Variants in CHODL observed in about 807,000 individuals in gnomAD.
CHODL encodes chondrolectin.
In CHODL, 29 loss-of-function variants were observed where a neutral mutation model predicts 34.5. The observed-to-expected ratio is 0.84, with a 90% CI of 0.63 to 1.15. The LOEUF (loss-of-function observed/expected upper bound fraction) is 1.15, where lower values mean the gene tolerates loss of function less well. CHODL is among the 50% of genes most tolerant of loss of function. The probability of loss-of-function intolerance (pLI) is 0.00; values close to 1 mark genes in which losing one functional copy is unlikely to be tolerated. For missense variants in CHODL, 332 were observed against 332.5 expected (o/e 1.00, Z 0.01); for synonymous variants, 125 against 116.1 (o/e 1.08, Z -0.49).
chr21:17,954,127 G>A (rs187468509), intron 1 of CHODL, among the ~76,000 whole-genome samples: 112 of 152,242 alleles, frequency 7.4e-4, no homozygotes, highest in Admixed American at 2.4e-3. Flanking sequence ...TTGTGTTGTG[G>A]CCATAATATC....
At chr21:18,245,943 T>G (rs1446927420) in intron 1 of CHODL, 6 of 1,535,290 alleles carry the variant, frequency 3.9e-6, no homozygotes, top group Non-Finnish European at 5.2e-6. Flanking sequence ...GAGGTATACT[T>G]GGTAATGACT....
intron 2 of CHODL, among the ~76,000 whole-genome samples, chr21:18,104,356 G>T (rs180904739): frequency 4.8e-4 from 73 of 152,162 alleles, no homozygotes; most frequent in South Asian, 8.3e-4. Flanking sequence ...CCTTCGCTTG[G>T]CATTTCTCCT....
At chr21:18,036,234 C>T (rs749075877) in intron 2 of CHODL, among the ~76,000 whole-genome samples, 2 of 151,922 alleles carry the variant, frequency 1.3e-5, no homozygotes, top group Non-Finnish European at 2.9e-5. Flanking sequence ...TTTTTTCAGT[C>T]TAGCTAGTAG....
At chr21:17,977,014 C>T (rs906246911) in intron 1 of CHODL, among the ~76,000 whole-genome samples, 1 of 152,198 alleles carries the variant, frequency 6.6e-6, no homozygotes, top group African/African-American at 2.4e-5. Context: ...AACAGTGTTT[C>T]TCTGAACCTG....
intron 2 of CHODL, among the ~76,000 whole-genome samples, chr21:18,195,082 T>TC (rs1484230384): frequency 2.0e-5 from 3 of 151,414 alleles, no homozygotes; most frequent in Non-Finnish European, 2.9e-5. Flanking sequence ...TGACATGGAG[T>TC]CTCTCTCTGT....
At chr21:18,001,213 A>G (rs1052057310) in intron 1 of CHODL, among the ~76,000 whole-genome samples, 4 of 152,252 alleles carry the variant, frequency 2.6e-5, no homozygotes, top group African/African-American at 9.6e-5. Context: ...AGAAAGCAAG[A>G]AAAAGAGCCA....
chr21:18,118,163 T>G (rs944089824), intron 2 of CHODL, among the ~76,000 whole-genome samples: 1 of 152,222 alleles, frequency 6.6e-6, no homozygotes, highest in Non-Finnish European at 1.5e-5. Context: ...ATTAACAAAC[T>G]GCATAAATTG....
At chr21:18,182,377 A>T (rs888536695) in intron 2 of CHODL, among the ~76,000 whole-genome samples, 1 of 152,220 alleles carries the variant, frequency 6.6e-6, no homozygotes, top group African/African-American at 2.4e-5. Context: ...CTCCACTGGC[A>T]TAAAAAGTCT....
At chr21:18,222,251 C>CAG (rs2073891494) in intron 2 of CHODL, among the ~76,000 whole-genome samples, 3 of 152,088 alleles carry the variant, frequency 2.0e-5, no homozygotes, top group Non-Finnish European at 4.4e-5. Flanking sequence ...TTATAGGGTA[C>CAG]TGCGTGGGCT....
chr21:18,201,215 A>G (rs973918578), intron 2 of CHODL, among the ~76,000 whole-genome samples: 1 of 152,150 alleles, frequency 6.6e-6, no homozygotes, highest in East Asian at 1.9e-4. Flanking sequence ...AATGTTACTT[A>G]TTTTTTGTTA....
At chr21:18,150,264 G>A (rs1424792453) in intron 2 of CHODL, among the ~76,000 whole-genome samples, 1 of 152,116 alleles carries the variant, frequency 6.6e-6, no homozygotes, top group African/African-American at 2.4e-5. Context: ...CAGAGAGGAT[G>A]GATTGTAAAT....
intron 2 of CHODL, among the ~76,000 whole-genome samples, chr21:18,175,790 A>G (rs1293000076): frequency 6.6e-6 from 1 of 152,198 alleles, no homozygotes; most frequent in Non-Finnish European, 1.5e-5. Flanking sequence ...TGAGGAGATG[A>G]CATTCAAACT....
intron 1 of CHODL, among the ~76,000 whole-genome samples, chr21:17,951,945 TA>T (rs1568814096): frequency 6.6e-6 from 1 of 151,970 alleles, no homozygotes; most frequent in Non-Finnish European, 1.5e-5. Context: ...TTAAAAATTT[TA>T]AGAAAGGCCA....
intron 2 of CHODL, among the ~76,000 whole-genome samples, chr21:18,208,431 T>C (rs1285105680): frequency 1.3e-5 from 2 of 152,174 alleles, no homozygotes; most frequent in Non-Finnish European, 2.9e-5. Context: ...ACAGCTACTT[T>C]GAATTCTGTA....
intron 1 of CHODL, among the ~76,000 whole-genome samples, chr21:17,982,406 A>G (rs1221365289): frequency 1.3e-5 from 2 of 152,204 alleles, no homozygotes; most frequent in Non-Finnish European, 2.9e-5. Context: ...AAAAAGGTTT[A>G]GTTGAGGACT....
At chr21:18,243,547 ATTT>A (rs113607712), upstream of CHODL, among the ~76,000 whole-genome samples, 2 of 144,448 alleles carry the variant, frequency 1.4e-5, no homozygotes, top group African/African-American at 2.5e-5. Context: ...TTAGAATTCT[ATTT>A]TTTTTTTTTT....
chr21:18,239,053 A>T (rs1357651362), intron 2 of CHODL, among the ~76,000 whole-genome samples: 1 of 152,110 alleles, frequency 6.6e-6, no homozygotes, highest in African/African-American at 2.4e-5. Flanking sequence ...TCTTACTGTA[A>T]CATGCTCCGT....
At chr21:18,029,807 G>T (rs899729752) in intron 2 of CHODL, among the ~76,000 whole-genome samples, 1 of 152,136 alleles carries the variant, frequency 6.6e-6, no homozygotes, top group African/African-American at 2.4e-5. Flanking sequence ...TTAATTAAAA[G>T]ATTTTCAAGT....
Position 18,095,123 on chromosome 21 carries a change from C to CA in CHODL, c.-45+67164dup, listed in dbSNP as rs71329775. 2.7e-3 allele frequency among the ~76,000 whole-genome samples: 351 copies of CA among 131,834 alleles called. 1 individual carries two copies. The highest frequency in any genetic ancestry group is 0.012 in the East Asian group (43 of 3,698). The allele number at this position is 131,834 out of a possible 152,430, so 86.5% of individuals were successfully genotyped here. ...TGGATGACAGATTGAGACTTTGTCT[C>CA]AAAAAAAAAAAAGAAGGAAAGAAAA... On this transcript the variant is annotated intron_variant, in intron 2 of 6. Transcript: ENST00000400127.
Sources: gnomAD v4.1 joint callset for allele counts (sites outside exome capture counted in the v4.1 genomes callset) on GRCh38, gnomAD v4.1.1 for gene constraint, MANE v1.5 for transcripts, NCBI Gene and HGNC (gene_info 2026-07-23, HGNC 2026-07-21) for gene names.